The following SLC8A3 variants were observed in gnomAD, a reference collection of about 807,000 sequenced individuals.
The protein encoded by SLC8A3 is sodium/calcium exchanger 3.
SLC8A3 carries 37 observed loss-of-function variants against 65.4 expected under a neutral mutation model. The observed-to-expected ratio is 0.57, with a 90% CI of 0.44 to 0.74. The LOEUF (loss-of-function observed/expected upper bound fraction) is 0.74, where lower values mean the gene tolerates loss of function less well. Among genes scored for constraint, SLC8A3 ranks in the 30% least tolerant of loss-of-function variants. The pLI, the probability that SLC8A3 is intolerant of heterozygous loss-of-function variation, is 0.00. For synonymous variants in SLC8A3, 461 were observed against 444.5 expected (o/e 1.04, Z -0.47); for missense variants, 1,112 against 1,172.1 (o/e 0.95, Z 0.75).
chr14:70,167,160 T>C lies in SLC8A3; in HGVS notation c.1263A>G (p.Lys421=). 6.2e-7 allele frequency: 1 copy of C among 1,614,126 alleles called. No individual in the cohort carries two copies. Among genetic ancestry groups the C allele is most frequent in the Non-Finnish European group, 8.5e-7 (1 of 1,179,986 alleles). The change falls in exon 2 of 7, where the codon AAA becomes AAG. Residue 421 remains lysine, a synonymous_variant. Coordinates refer to ENST00000356921, the MANE Select transcript of SLC8A3 (RefSeq NM_182932.3). ...ACATGGTCTTTGACATGTCTCCCCCTTTCCTCACCACTGTCAGGAGTACAG... is the reference window on the plus strand; with the variant it reads ...ACATGGTCTTTGACATGTCTCCCCCCTTCCTCACCACTGTCAGGAGTACAG... The part of the protein sequence containing the change: ...CGAVLLTVVR[K]GGDMSKTMYV...
chr14:70,119,587 A>C (rs1893905422), intron 2 of SLC8A3, among the ~76,000 whole-genome samples: 1 of 152,244 alleles, frequency 6.6e-6, no homozygotes, highest in Non-Finnish European at 1.5e-5. Context: ...CAGGCTACTT[A>C]GTGGCTGATG....
intron 2 of SLC8A3, among the ~76,000 whole-genome samples, chr14:70,129,611 A>C (rs1433859329): frequency 1.3e-5 from 2 of 152,248 alleles, no homozygotes; most frequent in East Asian, 3.8e-4. Context: ...TGGAAGAGAT[A>C]AGGATAAATC....
intron 2 of SLC8A3, among the ~76,000 whole-genome samples, chr14:70,076,415 C>T (rs1297811345): frequency 1.3e-5 from 2 of 152,192 alleles, no homozygotes; most frequent in Non-Finnish European, 2.9e-5. Flanking sequence ...CAGTCTCTGG[C>T]ACATAGACCA....
chr14:70,107,095 T>C (rs1594993156), intron 2 of SLC8A3, among the ~76,000 whole-genome samples: 1 of 152,094 alleles, frequency 6.6e-6, no homozygotes. Flanking sequence ...GAAAGTTAGA[T>C]TGGAGCTAGA....
At position 70,060,925 on chromosome 14, in the gene SLC8A3, A is replaced by T; in HGVS notation, c.1799T>A (p.Val600Asp). Residue 600 changes from valine to aspartate, a missense_variant, in exon 3 of 7, where the codon GTT (valine) becomes GAT (aspartate). Val to Asp is a radical substitution (Grantham distance 152). Coordinates refer to ENST00000356921, the MANE Select transcript of SLC8A3 (RefSeq NM_182932.3). ...KNDETVKTIRVKIVDEEEYER... is the reference protein window; with the variant it reads ...KNDETVKTIRDKIVDEEEYER... The stretch of plus-strand genomic sequence containing the variant: ...GTATTCCTCCTCATCTACTATTTTA[A>T]CCCTTATGGTTTTCCTGTAGGGACA... 1 of 1,497,266 alleles carries T rather than the reference A, an allele frequency of 6.7e-7. No homozygotes were observed. Among genetic ancestry groups the T allele is most frequent in the Non-Finnish European group, 9.0e-7 (1 of 1,116,604 alleles). 92.7% of individuals were successfully genotyped at this position (1,497,266 alleles called of 1,614,324 possible).
At chr14:70,159,425 C>CA (rs1390363464) in intron 2 of SLC8A3, among the ~76,000 whole-genome samples, 2 of 137,908 alleles carry the variant, frequency 1.5e-5, no homozygotes, top group African/African-American at 5.5e-5. Flanking sequence ...AAAAAAAAAA[C>CA]AAAAAAAACC....
At chr14:70,108,612 G>A (rs1256723191) in intron 2 of SLC8A3, among the ~76,000 whole-genome samples, 4 of 152,078 alleles carry the variant, frequency 2.6e-5, no homozygotes, top group Admixed American at 6.5e-5. Flanking sequence ...CTCACACAGC[G>A]TTTGGCAGGA....
At chr14:70,071,701 C>A (rs1388641394) in intron 2 of SLC8A3, among the ~76,000 whole-genome samples, 1 of 152,196 alleles carries the variant, frequency 6.6e-6, no homozygotes, top group Non-Finnish European at 1.5e-5. Flanking sequence ...GTCAAGCCTG[C>A]CTGGACTTCT....
At chr14:70,086,653 C>T (rs935221465) in intron 2 of SLC8A3, among the ~76,000 whole-genome samples, 8 of 152,150 alleles carry the variant, frequency 5.3e-5, no homozygotes, top group Non-Finnish European at 1.0e-4. Context: ...GTCTGCCCCC[C>T]TCAGCCTCCC....
At chr14:70,090,329 A>G (rs116385872) in intron 2 of SLC8A3, among the ~76,000 whole-genome samples, 2,023 of 152,244 alleles carry the variant, frequency 0.013, 46 homozygotes, top group African/African-American at 0.046. Flanking sequence ...TTCCAAGTGA[A>G]TAATTATCAG....
At chr14:70,055,032 G>T (rs1277362141) in intron 3 of SLC8A3, among the ~76,000 whole-genome samples, 2 of 152,048 alleles carry the variant, frequency 1.3e-5, no homozygotes, top group South Asian at 2.1e-4. Context: ...TTTCATATCT[G>T]CTCATGAAGT....
At chr14:70,097,475 G>T (rs1319724073) in intron 2 of SLC8A3, among the ~76,000 whole-genome samples, 1 of 152,110 alleles carries the variant, frequency 6.6e-6, no homozygotes, top group Admixed American at 6.5e-5. Context: ...GGTTGTCTGG[G>T]TACAAAACCT....
chr14:70,063,901 C>G, intron 2 of SLC8A3: 2 of 1,608,750 alleles, frequency 1.2e-6, no homozygotes, highest in Non-Finnish European at 1.7e-6. Context: ...TATGCCTCAT[C>G]ATCAATTACC....
At chr14:70,062,825 G>A (rs1888965880) in intron 2 of SLC8A3, among the ~76,000 whole-genome samples, 1 of 152,218 alleles carries the variant, frequency 6.6e-6, no homozygotes, top group South Asian at 2.1e-4. Context: ...TACAAGGTGT[G>A]AGCCTGTTTC....
chr14:70,059,518 G>C (rs1022009416), intron 3 of SLC8A3: 1 of 152,124 alleles, frequency 6.6e-6, no homozygotes, highest in Admixed American at 6.5e-5. Flanking sequence ...GCCTCCAAAT[G>C]ATTGGAAGCC....
chr14:70,157,418 G>A (rs1173829758), intron 2 of SLC8A3, among the ~76,000 whole-genome samples: 3 of 152,090 alleles, frequency 2.0e-5, no homozygotes, highest in African/African-American at 7.2e-5. Context: ...CTTGACACAG[G>A]GCAACCAGCT....
At chr14:70,097,482 A>T (rs548951037) in intron 2 of SLC8A3, among the ~76,000 whole-genome samples, 3 of 152,268 alleles carry the variant, frequency 2.0e-5, no homozygotes, top group East Asian at 1.9e-4. Flanking sequence ...TGGGTACAAA[A>T]CCTGGCTCCA....
At chr14:70,164,886 A>C (rs1047834295) in intron 2 of SLC8A3, among the ~76,000 whole-genome samples, 1 of 152,246 alleles carries the variant, frequency 6.6e-6, no homozygotes, top group African/African-American at 2.4e-5. Context: ...CACTCTCCCC[A>C]GAGTACATAT....
intron 6 of SLC8A3, chr14:70,048,416 C>T: frequency 5.2e-6 from 3 of 573,306 alleles, no homozygotes. Flanking sequence ...AATTGGACCA[C>T]TTACTTGGGC....
Sources: gnomAD v4.1 joint callset for allele counts (sites outside exome capture counted in the v4.1 genomes callset) on GRCh38, gnomAD v4.1.1 for gene constraint, MANE v1.5 for transcripts, NCBI Gene and HGNC (gene_info 2026-07-23, HGNC 2026-07-21) for gene names.